Variants in DNM3 observed in about 807,000 individuals in gnomAD.
The protein encoded by DNM3 is dynamin-3.
DNM3 carries 47 observed loss-of-function variants against 101.6 expected under a neutral mutation model. That is an observed-to-expected ratio of 0.46 (90% CI 0.37 to 0.59). The LOEUF (loss-of-function observed/expected upper bound fraction) is 0.59, where lower values mean the gene tolerates loss of function less well. DNM3 is among the 20% of genes least tolerant of loss of function. The pLI, the probability that DNM3 is intolerant of heterozygous loss-of-function variation, is 0.00. For missense variants in DNM3, 849 were observed against 1,085.7 expected, an observed-to-expected ratio of 0.78 and a Z score of 3.06; for synonymous variants, 385 against 387.9, an observed-to-expected ratio of 0.99 and a Z score of 0.09.
chr1:171,848,008 T>C (rs2032426995), intron 1 of DNM3, among the ~76,000 whole-genome samples: 1 of 151,652 alleles, frequency 6.6e-6, no homozygotes, highest in South Asian at 2.1e-4. Flanking sequence ...AAGAAGCTTT[T>C]CTCTGGCTTG....
chr1:172,157,984 T>G (rs1336358410), intron 14 of DNM3, among the ~76,000 whole-genome samples: 2 of 151,968 alleles, frequency 1.3e-5, no homozygotes, highest in South Asian at 2.1e-4. Flanking sequence ...GATACAGCAG[T>G]AAATTTAACA....
At chr1:172,283,560 G>C (rs1358782864) in intron 15 of DNM3, among the ~76,000 whole-genome samples, 1 of 151,786 alleles carries the variant, frequency 6.6e-6, no homozygotes, top group Non-Finnish European at 1.5e-5. Flanking sequence ...AAGAGATCAA[G>C]ACCATCCTGG....
At chr1:172,063,704 A>C (rs1272439601) in intron 10 of DNM3, among the ~76,000 whole-genome samples, 1 of 149,916 alleles carries the variant, frequency 6.7e-6, no homozygotes, top group African/African-American at 2.5e-5. Context: ...GCTTGAACCC[A>C]GGAGGTGGAG....
intron 14 of DNM3, among the ~76,000 whole-genome samples, chr1:172,192,090 C>G (rs938401951): frequency 1.3e-5 from 2 of 152,124 alleles, no homozygotes; most frequent in Non-Finnish European, 2.9e-5. Flanking sequence ...AAAAGGAATG[C>G]TTCCAGTTTT....
chr1:171,851,610 C>T (rs575113647), intron 1 of DNM3, among the ~76,000 whole-genome samples: 195 of 152,270 alleles, frequency 1.3e-3, no homozygotes, highest in African/African-American at 4.2e-3. Flanking sequence ...GACGGGGTTT[C>T]GCTATGTTGG....
chr1:172,202,716 A>G (rs1446701396), intron 14 of DNM3, among the ~76,000 whole-genome samples: 1 of 152,172 alleles, frequency 6.6e-6, no homozygotes. Flanking sequence ...CACCACAGAT[A>G]TAAGAAGAAG....
At chr1:172,204,010 A>G (rs1439428758) in intron 14 of DNM3, among the ~76,000 whole-genome samples, 1 of 152,160 alleles carries the variant, frequency 6.6e-6, no homozygotes, top group Non-Finnish European at 1.5e-5. Flanking sequence ...TGTCATTGCT[A>G]TTAAACATAT....
chr1:172,283,809 A>G (rs564974018), intron 15 of DNM3, among the ~76,000 whole-genome samples: 5 of 151,038 alleles, frequency 3.3e-5, no homozygotes, highest in African/African-American at 1.2e-4. Context: ...AACCAAGTCA[A>G]TGTTGATTTT....
chr1:171,980,683 A>G (rs1025439785), intron 2 of DNM3, among the ~76,000 whole-genome samples: 1 of 151,920 alleles, frequency 6.6e-6, no homozygotes, highest in African/African-American at 2.4e-5. Context: ...TTTAGCTTTC[A>G]TATGTGAGTA....
rs2061576205 is a variant in DNM3, at chr1:172,237,190, C to T, written c.1660-16383C>T. Among the ~76,000 whole-genome samples the T allele has an allele frequency of 2.6e-5, 4 of 152,140 alleles. No homozygotes were observed. The South Asian group carries it at 8.3e-4, about 32-fold the overall frequency. ...GTTCCTTATTAAAATAGTACTTCTT[C>T]CCCCTGAAAAGATGAAAATGCTTTT... On this transcript the variant is annotated intron_variant, in intron 14 of 20. Coordinates refer to ENST00000627582, the MANE Select transcript of DNM3 (RefSeq NM_015569.5).
chr1:172,290,022 TA>T, intron 15 of DNM3: 1 of 922,492 alleles, frequency 1.1e-6, no homozygotes. Flanking sequence ...TGTGATAATG[TA>T]AGATCTTTGT....
At chr1:172,279,975 A>G (rs542149626) in intron 15 of DNM3, among the ~76,000 whole-genome samples, 5 of 152,196 alleles carry the variant, frequency 3.3e-5, no homozygotes, top group Admixed American at 2.6e-4. Context: ...AAAAATTCAA[A>G]TTTATCATGG....
At chr1:171,996,921 A>G (rs2046035318) in intron 4 of DNM3, among the ~76,000 whole-genome samples, 3 of 152,056 alleles carry the variant, frequency 2.0e-5, no homozygotes, top group Non-Finnish European at 4.4e-5. Flanking sequence ...AGTCCCACCT[A>G]CTTGGGAGAC....
downstream of DNM3, among the ~76,000 whole-genome samples, chr1:172,413,542 T>C (rs1463759936): frequency 6.6e-6 from 1 of 152,208 alleles, no homozygotes; most frequent in African/African-American, 2.4e-5. Context: ...TCCCCAGTTT[T>C]AAGAGAATGT....
At chr1:171,990,293 G>A (rs1270805498) in intron 4 of DNM3, among the ~76,000 whole-genome samples, 2 of 152,140 alleles carry the variant, frequency 1.3e-5, no homozygotes, top group Non-Finnish European at 2.9e-5. Context: ...GTGCATGAGA[G>A]TGGAGCACCA....
chr1:171,901,141 C>CAAAAAAAA (rs2038311606), intron 1 of DNM3, among the ~76,000 whole-genome samples: 6 of 127,140 alleles, frequency 4.7e-5, no homozygotes, highest in South Asian at 2.4e-4. Context: ...AGAAAGAAAT[C>CAAAAAAAA]TATGAAGTTC....
At chr1:172,143,744 G>T (rs992899156) in intron 14 of DNM3, among the ~76,000 whole-genome samples, 1 of 152,138 alleles carries the variant, frequency 6.6e-6, no homozygotes, top group African/African-American at 2.4e-5. Flanking sequence ...GATATTTACA[G>T]GGGTATCTAA....
chr1:172,196,007 C>T (rs1191828186), intron 14 of DNM3, among the ~76,000 whole-genome samples: 3 of 151,682 alleles, frequency 2.0e-5, no homozygotes, highest in African/African-American at 4.8e-5. Context: ...CATCACCCAG[C>T]TATTAAGCCC....
At chr1:172,063,721 G>C (rs1363381098) in intron 10 of DNM3, among the ~76,000 whole-genome samples, 1 of 145,534 alleles carries the variant, frequency 6.9e-6, no homozygotes, top group African/African-American at 2.6e-5. Flanking sequence ...GGAGGTTGCA[G>C]TGAGCCAAGA....
Sources: allele counts gnomAD v4.1 joint callset (sites outside exome capture counted in the v4.1 genomes callset), GRCh38; gene constraint gnomAD v4.1.1; transcripts MANE v1.5; gene names NCBI Gene and HGNC (gene_info 2026-07-23, HGNC 2026-07-21).